Variants in FAM120B observed in about 807,000 individuals in gnomAD.
FAM120B encodes family with sequence similarity 120 member B.
FAM120B carries 83 observed loss-of-function variants against 96.3 expected under a neutral mutation model. The ratio of observed to expected loss-of-function variants is 0.86; its 90% CI spans 0.72 to 1.03. The LOEUF (loss-of-function observed/expected upper bound fraction) is 1.03, where lower values mean the gene tolerates loss of function less well. Ranked by LOEUF, FAM120B falls within the 50% of genes least tolerant of loss-of-function variation. The probability of loss-of-function intolerance (pLI) is 0.00; values close to 1 mark genes in which losing one functional copy is unlikely to be tolerated. For missense variants in FAM120B, 1,027 were observed against 1,121.2 expected (o/e 0.92, Z 1.20); for synonymous variants, 407 against 402.7 (o/e 1.01, Z -0.13).
Position 170,395,541 on chromosome 6 carries a change from GT to G in FAM120B, c.2656del (p.Ser886ProfsTer68). 6.2e-7 allele frequency: 1 copy of G among 1,600,038 alleles called. No individual in the cohort carries two copies. ...SYHRTGSGYS[R>X]SSQGQPWRDQ... The stretch of plus-strand genomic sequence containing the variant: ...CACAGGACGGGCTCTGGGTATAGCC[GT>G]TCCAGTCAGGGACAGCCGTGGAGAG... On this transcript the variant is annotated frameshift_variant, in exon 9 of 11. Coordinates refer to ENST00000476287, the MANE Select transcript of FAM120B (RefSeq NM_032448.3). LOFTEE classifies it high-confidence loss of function.
chr6:170,322,749 A>G (rs1388880390), intron 2 of FAM120B, among the ~76,000 whole-genome samples: 1 of 152,154 alleles, frequency 6.6e-6, no homozygotes, highest in African/African-American at 2.4e-5. Flanking sequence ...AAACTGGTCT[A>G]GGGGATTAAG....
intron 4 of FAM120B, among the ~76,000 whole-genome samples, chr6:170,345,524 G>A (rs970714657): frequency 3.3e-5 from 5 of 152,344 alleles, no homozygotes; most frequent in African/African-American, 1.2e-4. Context: ...TTCCAAGGTA[G>A]CTAGCAGCTG....
At position 170,295,925 on chromosome 6, in the gene FAM120B, G is replaced by T. The variant is rs1183439122; in HGVS notation, c.48+472G>T. On this transcript the variant is annotated intron_variant, in intron 1 of 10. Coordinates refer to the FAM120B transcript ENST00000537664. The surrounding 1 kb of genome is among the most constrained non-coding windows in gnomAD (Gnocchi z 7.8). ...TGATTTGCATGAGAACGGGCGGGTC[G>T]CGTGGCTCAGCTGGCGGCCCCGGCG... Among the ~76,000 whole-genome samples, 1 of 152,010 alleles carries T rather than the reference G, an allele frequency of 6.6e-6. No homozygotes were observed. The highest frequency in any genetic ancestry group is 2.4e-5 in the African/African-American group (1 of 41,418).
intron 6 of FAM120B, among the ~76,000 whole-genome samples, chr6:170,360,251 A>C (rs1583263303): frequency 6.6e-6 from 1 of 152,320 alleles, no homozygotes; most frequent in Non-Finnish European, 1.5e-5. Flanking sequence ...ACGGCAAGTA[A>C]CCAAACTTCT....
chr6:170,361,212 A>ATG (rs1788378923), intron 6 of FAM120B, among the ~76,000 whole-genome samples: 2 of 101,614 alleles, frequency 2.0e-5, no homozygotes, highest in African/African-American at 8.4e-5. Flanking sequence ...ATATATATAT[A>ATG]TATATATATA....
rs201436299 is a variant in FAM120B at position 170,317,677 on chromosome 6, A to G, written c.287A>G (p.Asp96Gly). ...TTCTTTGATGGCATGGTGGAGCAGG[A>G]TAAGAGAGATGAATGGGTGAAACGA... ...IFFFDGMVEQ[D>G]KRDEWVKRRL... Residue 96 changes from aspartate (D) to glycine (G), a missense_variant, in exon 2 of 11, where the codon GAT becomes GGT. By Grantham distance (94) the Asp-to-Gly change is moderately conservative. Transcript: ENST00000476287. 19 of 1,614,182 alleles carry G rather than the reference A, an allele frequency of 1.2e-5. No individual in the cohort carries two copies. The East Asian group carries it at 3.8e-4, about 32-fold the overall frequency.
At chr6:170,345,895 A>G (rs893548322) in intron 4 of FAM120B, among the ~76,000 whole-genome samples, 1 of 152,228 alleles carries the variant, frequency 6.6e-6, no homozygotes, top group Admixed American at 6.5e-5. Flanking sequence ...ATGCGCAGCT[A>G]GGTGATTCTC....
intron 5 of FAM120B, among the ~76,000 whole-genome samples, chr6:170,355,176 C>T (rs537116828): frequency 2.0e-5 from 3 of 152,122 alleles, no homozygotes; most frequent in East Asian, 1.9e-4. Context: ...CCTCAGAGAC[C>T]TAGAGGAGAA....
chr6:170,369,706 T>G (rs896678558), intron 6 of FAM120B, among the ~76,000 whole-genome samples: 12 of 151,678 alleles, frequency 7.9e-5, no homozygotes, highest in African/African-American at 2.9e-4. Flanking sequence ...TTTTTTTTTT[T>G]TTCCTGCTCC....
At chr6:170,304,171 C>A (rs914553601), upstream of FAM120B, among the ~76,000 whole-genome samples, 2 of 152,202 alleles carry the variant, frequency 1.3e-5, no homozygotes, top group African/African-American at 4.8e-5. Context: ...ATATCTACAT[C>A]CTACCCACAA....
At chr6:170,377,681 A>G (rs1210345842) in intron 6 of FAM120B, among the ~76,000 whole-genome samples, 50 of 87,420 alleles carry the variant, frequency 5.7e-4, no homozygotes, top group African/African-American at 1.1e-3. Context: ...GCCTGGGAGA[A>G]CACAGGCTCA....
At chr6:170,402,139 A>C (rs1778618292) in intron 9 of FAM120B, among the ~76,000 whole-genome samples, 1 of 152,258 alleles carries the variant, frequency 6.6e-6, no homozygotes, top group Non-Finnish European at 1.5e-5. Context: ...AGGCAGGCTC[A>C]GCAGACGAAG....
intron 6 of FAM120B, among the ~76,000 whole-genome samples, chr6:170,374,344 CTT>C (rs1028009261): frequency 5.3e-5 from 8 of 152,166 alleles, no homozygotes; most frequent in African/African-American, 1.7e-4. Flanking sequence ...GTTTGGTTGA[CTT>C]TTAGCTTGAA....
upstream of FAM120B, among the ~76,000 whole-genome samples, chr6:170,305,644 A>T (rs1433654336): frequency 6.6e-6 from 1 of 152,254 alleles, no homozygotes; most frequent in Non-Finnish European, 1.5e-5. Flanking sequence ...TTGGAGATAC[A>T]TCCTAAATAA....
At chr6:170,389,027 TG>T (rs1790344701) in intron 7 of FAM120B, among the ~76,000 whole-genome samples, 1 of 152,104 alleles carries the variant, frequency 6.6e-6, no homozygotes, top group East Asian at 1.9e-4. Context: ...GTCCATTAAA[TG>T]GAGGTGATCA....
Position 170,357,251 on chromosome 6 carries a change from G to A in FAM120B, c.2191-975G>A, listed in dbSNP as rs1450111116. Among the ~76,000 whole-genome samples the A allele has an allele frequency of 5.3e-5, 8 of 152,204 alleles. No homozygotes were observed. In the East Asian group the frequency reaches 5.8e-4, roughly 11 times the overall value. ...GTGGAGTCGTTCAGTCAGCGGGCAC[G>A]TCCTGCCTTTATCTGGGTAGCTGAA... is the stretch of plus-strand genomic sequence containing the variant. On this transcript the variant is annotated intron_variant, in intron 5 of 10. Coordinates refer to ENST00000476287, the MANE Select transcript of FAM120B (RefSeq NM_032448.3).
At chr6:170,311,989 T>C (rs1784624043) in intron 1 of FAM120B, among the ~76,000 whole-genome samples, 1 of 152,200 alleles carries the variant, frequency 6.6e-6, no homozygotes, top group Non-Finnish European at 1.5e-5. Flanking sequence ...TGGCGTGCAA[T>C]ATCAGAAATA....
At chr6:170,359,242 A>G (rs538424431) in intron 6 of FAM120B, among the ~76,000 whole-genome samples, 15 of 152,144 alleles carry the variant, frequency 9.9e-5, no homozygotes, top group African/African-American at 3.6e-4. Context: ...CTCTACTAAA[A>G]ATACAAAAAT....
intron 2 of FAM120B, among the ~76,000 whole-genome samples, chr6:170,320,214 G>T (rs555526909): frequency 7.2e-5 from 11 of 152,296 alleles, no homozygotes; most frequent in African/African-American, 2.4e-4. Flanking sequence ...ACATAGATCT[G>T]TAAGGAAGCT....
Sources: gnomAD v4.1 joint callset for allele counts (sites outside exome capture counted in the v4.1 genomes callset) on GRCh38, gnomAD v4.1.1 for gene constraint, Gnocchi (gnomAD v3.1) non-coding constraint, MANE v1.5 for transcripts, NCBI Gene and HGNC (gene_info 2026-07-23, HGNC 2026-07-21) for gene names.